The following GSE1 variants were observed in gnomAD, a reference collection of about 807,000 sequenced individuals.
The protein encoded by GSE1 is Gse1 coiled-coil protein, also known as genetic suppressor element 1.
In GSE1, 32 loss-of-function variants were observed where a neutral mutation model predicts 112.6. The ratio of observed to expected loss-of-function variants is 0.28; its 90% CI spans 0.21 to 0.38. The LOEUF is 0.38. Among genes scored for constraint, GSE1 ranks in the 10% least tolerant of loss-of-function variants. The pLI is 1.00. For missense variants in GSE1, 2,348 were observed against 1,699.2 expected, an observed-to-expected ratio of 1.38 and a Z score of -6.71; for synonymous variants, 1,115 against 735.6, an observed-to-expected ratio of 1.52 and a Z score of -8.35.
chr16:85,572,546 AAC>A (rs1174518049), intron 1 of GSE1, among the ~76,000 whole-genome samples: 1 of 150,826 alleles, frequency 6.6e-6, no homozygotes. Context: ...ACGTGCACAC[AAC>A]ACACAACACG....
At chr16:85,226,760 TG>T (rs1473687958) in intron 1 of GSE1, among the ~76,000 whole-genome samples, 1 of 3,316 alleles carries the variant, frequency 3.0e-4, no homozygotes, top group Non-Finnish European at 9.7e-4. Flanking sequence ...CCTGGACTGG[TG>T]TGTGTGTGTG....
chr16:85,327,750 T>G (rs1439296968), intron 1 of GSE1, among the ~76,000 whole-genome samples: 1 of 152,228 alleles, frequency 6.6e-6, no homozygotes. Context: ...CAAGACTGCA[T>G]GGATTCATAC....
Position 85,311,997 on chromosome 16 carries a change from C to T in GSE1, c.2284-45466C>T, listed in dbSNP as rs982064841. 1.3e-5 allele frequency among the ~76,000 whole-genome samples: 2 copies of T among 152,228 alleles called. No individual in the cohort carries two copies. Among genetic ancestry groups the T allele is most frequent in the South Asian group, 2.1e-4 (1 of 4,836 alleles). On this transcript the variant is annotated intron_variant, in intron 1 of 2. Coordinates refer to the GSE1 transcript ENST00000637419. This position sits in a 1 kb window ranked among gnomAD's most constrained non-coding sequence, Gnocchi z 4.2. ...GAGATGTGGGCGGTGTCCGTGCACA[C>T]TGCTGGAGCAGCTGGGCCAGCTCGA...
At chr16:85,207,139 C>T (rs1363325701) in intron 1 of GSE1, among the ~76,000 whole-genome samples, 1 of 152,176 alleles carries the variant, frequency 6.6e-6, no homozygotes, top group Non-Finnish European at 1.5e-5. Flanking sequence ...CTTCTCCCCA[C>T]CTAGCATCTC....
chr16:85,635,288 G>A lies in GSE1; in HGVS notation c.226+1156G>A, dbSNP rs139308211. The stretch of plus-strand genomic sequence containing the variant: ...GGAGGCCCGTTGGGGTCTGGTTTCC[G>A]TACCACCAGGGGGCAGCCCCTCGCC... On this transcript the variant is annotated intron_variant, in intron 2 of 15. Transcript: ENST00000253458. Among the ~76,000 whole-genome samples the A allele has an allele frequency of 7.3e-3, 1,105 of 152,266 alleles. 15 individuals are homozygous for A. The highest frequency in any genetic ancestry group is 0.026 in the African/African-American group (1,063 of 41,538).
intron 3 of GSE1, among the ~76,000 whole-genome samples, chr16:85,649,330 G>A (rs754709): frequency 0.43 from 65,262 of 152,064 alleles, 14,278 homozygotes; most frequent in East Asian, 0.67. Flanking sequence ...GTGTTTGCAC[G>A]CTGAGCACCC....
intron 2 of GSE1, among the ~76,000 whole-genome samples, chr16:85,402,624 T>C (rs952707779): frequency 3.3e-5 from 5 of 152,154 alleles, no homozygotes; most frequent in Non-Finnish European, 5.9e-5. Flanking sequence ...TCTGGCTGCC[T>C]AACAGATTGC....
chr16:85,666,143 C>G lies in GSE1; in HGVS notation c.2926C>G (p.Leu976Val). The change falls in exon 13 of 16, where the codon CTG becomes GTG. Residue 976 changes from leucine (L) to valine (V), a missense_variant. Physicochemically the swap from Leu to Val is conservative, Grantham distance 32. Coordinates refer to ENST00000253458, the MANE Select transcript of GSE1 (RefSeq NM_014615.5). ...TCCTGCCAGCGGGGAGAAGGCCAGG[C>G]TGAGCGAGGCCCCTGGAGGCAAAAA... ...LAPASGEKAR[L>V]SEAPGGKKSL... 6.2e-7 allele frequency: 1 copy of G among 1,613,366 alleles called. No individual in the cohort carries two copies. Among genetic ancestry groups the G allele is most frequent in the Non-Finnish European group, 8.5e-7 (1 of 1,179,982 alleles).
At chr16:85,297,775 T>G (rs1477458266) in intron 1 of GSE1, among the ~76,000 whole-genome samples, 1 of 152,250 alleles carries the variant, frequency 6.6e-6, no homozygotes, top group Non-Finnish European at 1.5e-5. Flanking sequence ...CCTCCCAAAG[T>G]GCTGGGACTA....
chr16:85,619,512 A>T (rs1415731463), intron 1 of GSE1, among the ~76,000 whole-genome samples: 1 of 152,198 alleles, frequency 6.6e-6, no homozygotes, highest in African/African-American at 2.4e-5. Flanking sequence ...GGGGGTGCCA[A>T]GCGATGCCCC....
intron 1 of GSE1, among the ~76,000 whole-genome samples, chr16:85,202,028 A>G (rs1355969254): frequency 6.6e-6 from 1 of 152,234 alleles, no homozygotes; most frequent in Admixed American, 6.5e-5. Context: ...TGAAAAGGAA[A>G]ACTTGAGGTG....
intron 1 of GSE1, among the ~76,000 whole-genome samples, chr16:85,328,624 T>C (rs943238173): frequency 3.3e-5 from 5 of 152,308 alleles, no homozygotes; most frequent in African/African-American, 1.2e-4. Flanking sequence ...TGTTCCAGAA[T>C]ATTCCTCCTC....
chr16:85,628,601 AC>A (rs34555993), intron 1 of GSE1, among the ~76,000 whole-genome samples: 2 of 151,880 alleles, frequency 1.3e-5, no homozygotes, highest in Non-Finnish European at 2.9e-5. Flanking sequence ...CTGCAGGGAC[AC>A]CCCAGTTCCC....
At chr16:85,317,285 G>A (rs1032632571) in intron 1 of GSE1, among the ~76,000 whole-genome samples, 3 of 152,160 alleles carry the variant, frequency 2.0e-5, no homozygotes, top group Non-Finnish European at 4.4e-5. Context: ...GTTGACAGCA[G>A]GCATGCATCC....
At chr16:85,660,213 A>G (rs1461543320) in intron 8 of GSE1, among the ~76,000 whole-genome samples, 4 of 152,226 alleles carry the variant, frequency 2.6e-5, no homozygotes, top group Non-Finnish European at 4.4e-5. Context: ...CCTTAGGGGA[A>G]TTCACGCAAG....
At chr16:85,328,261 C>T (rs956303287) in intron 1 of GSE1, among the ~76,000 whole-genome samples, 9 of 152,206 alleles carry the variant, frequency 5.9e-5, no homozygotes, top group African/African-American at 2.2e-4. Context: ...GCGAAAGGGC[C>T]TGGAATTCCC....
At chr16:85,289,987 G>A (rs1370169398) in intron 1 of GSE1, among the ~76,000 whole-genome samples, 3 of 152,192 alleles carry the variant, frequency 2.0e-5, no homozygotes, top group African/African-American at 7.2e-5. Context: ...GTGTCCTTGC[G>A]GGTGATGGGG....
At chr16:85,193,413 C>T (rs1423771608) in intron 1 of GSE1, among the ~76,000 whole-genome samples, 1 of 152,072 alleles carries the variant, frequency 6.6e-6, no homozygotes, top group Non-Finnish European at 1.5e-5. Flanking sequence ...CATATCATAG[C>T]TTACTGAAGC....
chr16:85,616,906 A>G (rs570141249), intron 1 of GSE1, among the ~76,000 whole-genome samples: 1 of 152,274 alleles, frequency 6.6e-6, no homozygotes, highest in South Asian at 2.1e-4. Context: ...ACAGACAGAT[A>G]AAACAGGAGC....
Sources: allele counts gnomAD v4.1 joint callset (sites outside exome capture counted in the v4.1 genomes callset), GRCh38; gene constraint gnomAD v4.1.1; non-coding constraint Gnocchi (gnomAD v3.1); transcripts MANE v1.5; gene names NCBI Gene and HGNC (gene_info 2026-07-23, HGNC 2026-07-21).